Variants in TEK observed in about 807,000 individuals in gnomAD.
TEK encodes angiopoietin-1 receptor.
Under a neutral mutation model 131.8 loss-of-function variants are expected in TEK, and 43 were observed. That is an observed-to-expected ratio of 0.33 (90% CI 0.26 to 0.42). TEK has a LOEUF of 0.42. Ranked by LOEUF, TEK falls within the 10% of genes least tolerant of loss-of-function variation. TEK has a pLI of 1.00. For synonymous variants in TEK, 580 were observed against 491.6 expected, an observed-to-expected ratio of 1.18 and a Z score of -2.38; for missense variants, 1,162 against 1,384.4, an observed-to-expected ratio of 0.84 and a Z score of 2.55.
intron 20 of TEK, among the ~76,000 whole-genome samples, chr9:27,219,214 A>T (rs143244592): frequency 5.1e-4 from 78 of 152,340 alleles, no homozygotes; most frequent in Non-Finnish European, 1.0e-3. Context: ...ATTTTAAAAA[A>T]CTGGAAGGCA....
intron 11 of TEK, chr9:27,195,528 T>G (rs1302305757): frequency 2.6e-6 from 1 of 380,806 alleles, no homozygotes. Context: ...ACAAATTTTT[T>G]TGCCCCATAG....
chr9:27,185,582 A>C lies in TEK; in HGVS notation c.1280A>C (p.Asn427Thr), dbSNP rs1564083581. 1.2e-6 allele frequency: 2 copies of C among 1,613,874 alleles called. No homozygotes were observed. Among genetic ancestry groups the C allele is most frequent in the South Asian group, 2.2e-5 (2 of 91,080 alleles). The change falls in exon 9 of 23, where the codon AAC becomes ACC. Residue 427 changes from asparagine to threonine, a missense_variant. Transcript: ENST00000380036. Reference sequence around the variant, plus strand: ...TCAGGAGTTTGGGTCTGCAGTGTGAACACAGTGGCTGGGATGGTGGAAAAG... The same window carrying C: ...TCAGGAGTTTGGGTCTGCAGTGTGACCACAGTGGCTGGGATGGTGGAAAAG... Reference protein sequence around the residue: ...PDSGVWVCSVNTVAGMVEKPF... With the variant: ...PDSGVWVCSVTTVAGMVEKPF...
At chr9:27,144,653 A>G (rs986039607) in intron 1 of TEK, among the ~76,000 whole-genome samples, 2 of 152,126 alleles carry the variant, frequency 1.3e-5, no homozygotes, top group Middle Eastern at 3.2e-3. Flanking sequence ...CTACTTCCCA[A>G]ATAGGTGGCA....
intron 12 of TEK, among the ~76,000 whole-genome samples, chr9:27,202,414 C>G (rs1337125664): frequency 6.6e-6 from 1 of 152,172 alleles, no homozygotes; most frequent in Non-Finnish European, 1.5e-5. Flanking sequence ...CTCCAGACCT[C>G]AGCACTTACA....
chr9:27,185,778 C>G, intron 9 of TEK, 149 bp downstream of exon 9: 2 of 1,106,330 alleles, frequency 1.8e-6, no homozygotes, highest in South Asian at 2.7e-5. Flanking sequence ...ATGCATGAAA[C>G]TAGAGTGAAG....
chr9:27,168,640 T>C, intron 3 of TEK, 35 bp downstream of exon 3: 2 of 1,404,376 alleles, frequency 1.4e-6, no homozygotes, highest in Non-Finnish European at 2.0e-6. Context: ...CCCAGTATGA[T>C]GTGAGATATC....
At chr9:27,189,810 C>G (rs1226709677) in intron 9 of TEK, among the ~76,000 whole-genome samples, 1 of 152,022 alleles carries the variant, frequency 6.6e-6, no homozygotes, top group Non-Finnish European at 1.5e-5. Flanking sequence ...TGTCTGACTT[C>G]TGACTTCTAG....
intron 11 of TEK, 91 bp from the exon 12 acceptor site, chr9:27,197,224 G>A (rs1290377576): frequency 1.2e-5 from 17 of 1,417,546 alleles, no homozygotes; most frequent in Non-Finnish European, 1.5e-5. Context: ...CAACACTGGG[G>A]ATTACATTTC....
At chr9:27,166,367 T>A (rs1823730719) in intron 2 of TEK, among the ~76,000 whole-genome samples, 1 of 152,234 alleles carries the variant, frequency 6.6e-6, no homozygotes, top group South Asian at 2.1e-4. Context: ...CCTTAGTAAT[T>A]TTCAGTCTTT....
chr9:27,211,234 C>T (rs369479620), intron 16 of TEK, among the ~76,000 whole-genome samples: 1 of 11,212 alleles, frequency 8.9e-5, no homozygotes, highest in African/African-American at 4.4e-4. Flanking sequence ...AATATATGTG[C>T]ATATATATGT....
chr9:27,144,887 A>T (rs1389535094), intron 1 of TEK, among the ~76,000 whole-genome samples: 1 of 152,204 alleles, frequency 6.6e-6, no homozygotes, highest in African/African-American at 2.4e-5. Context: ...AGGGAGGGAA[A>T]AGAGAATTCT....
intron 21 of TEK, among the ~76,000 whole-genome samples, chr9:27,222,044 A>T (rs1478097459): frequency 6.6e-6 from 1 of 152,166 alleles, no homozygotes; most frequent in African/African-American, 2.4e-5. Flanking sequence ...GAAGAACGTA[A>T]ATGACCTGAT....
chr9:27,220,280 C>CCCT, intron 21 of TEK, 135 bp downstream of exon 21: 1 of 750,462 alleles, frequency 1.3e-6, no homozygotes, highest in East Asian at 2.7e-5. Context: ...AAATAGGAAC[C>CCCT]CCTCCCCTTT....
chr9:27,109,708 C>T lies in TEK; in HGVS notation c.52+66C>T, dbSNP rs1005284378. ...AAACAGAGTTAGTGATTTCTGGGTG[C>T]TCTCCCCAAATCTCATCAGTGCTGA... is the stretch of plus-strand genomic sequence containing the variant. On this transcript the variant is annotated intron_variant, in intron 1 of 22. Coordinates refer to ENST00000380036, the MANE Select transcript of TEK (RefSeq NM_000459.5). 5 of 1,538,450 alleles carry T rather than the reference C, an allele frequency of 3.3e-6. No individual in the cohort carries two copies. In the Admixed American group the frequency reaches 6.8e-5, roughly 21 times the overall value.
At chr9:27,223,826 C>T (rs1053185796) in intron 21 of TEK, among the ~76,000 whole-genome samples, 1 of 152,110 alleles carries the variant, frequency 6.6e-6, no homozygotes, top group East Asian at 1.9e-4. Flanking sequence ...TCAGTGAATC[C>T]AGGAGCTAGT....
At chr9:27,132,607 T>G (rs12337860) in intron 1 of TEK, among the ~76,000 whole-genome samples, 20,036 of 152,172 alleles carry the variant, frequency 0.13, 1,589 homozygotes, top group Middle Eastern at 0.26. Context: ...TTTCATAGTA[T>G]TCAGTTGATT....
chr9:27,213,837 C>A (rs944156271), intron 18 of TEK, among the ~76,000 whole-genome samples: 3 of 152,222 alleles, frequency 2.0e-5, no homozygotes, highest in Non-Finnish European at 4.4e-5. Flanking sequence ...ATTGAATGTT[C>A]AAACCTAGTG....
intron 7 of TEK, among the ~76,000 whole-genome samples, chr9:27,182,726 G>A (rs917135916): frequency 6.6e-6 from 1 of 152,136 alleles, no homozygotes; most frequent in African/African-American, 2.4e-5. Context: ...GAATAAAATT[G>A]GTATATTTCA....
intron 2 of TEK, among the ~76,000 whole-genome samples, chr9:27,158,469 C>A (rs1443207654): frequency 6.6e-6 from 1 of 152,140 alleles, no homozygotes; most frequent in Non-Finnish European, 1.5e-5. Context: ...AACAAGTGTT[C>A]ATTGCCAAAC....
Sources: allele counts gnomAD v4.1 joint callset (sites outside exome capture counted in the v4.1 genomes callset), GRCh38; gene constraint gnomAD v4.1.1; transcripts MANE v1.5; gene names NCBI Gene and HGNC (gene_info 2026-07-23, HGNC 2026-07-21).